THSD7B: variants seen among roughly 807,000 people sequenced by gnomAD.
The protein encoded by THSD7B is thrombospondin type 1 domain containing 7B.
In THSD7B, 138 loss-of-function variants were observed where a neutral mutation model predicts 213.6. The observed-to-expected ratio is 0.65, with a 90% CI of 0.56 to 0.74. The LOEUF is 0.74. Among genes scored for constraint, THSD7B ranks in the 30% least tolerant of loss-of-function variants. THSD7B has a pLI of 0.00. For missense variants in THSD7B, 1,931 were observed against 1,991.5 expected (o/e 0.97, Z 0.58); for synonymous variants, 742 against 687.0 (o/e 1.08, Z -1.25).
chr2:137,623,949 G>C (rs1431732730), intron 20 of THSD7B, among the ~76,000 whole-genome samples: 1 of 152,112 alleles, frequency 6.6e-6, no homozygotes, highest in South Asian at 2.1e-4. Flanking sequence ...AGCTACCAAC[G>C]ACTTTCTTCA....
At chr2:137,229,938 A>G (rs1434756181) in intron 7 of THSD7B, among the ~76,000 whole-genome samples, 1 of 152,226 alleles carries the variant, frequency 6.6e-6, no homozygotes, top group South Asian at 2.1e-4. Context: ...CAGCCAGATC[A>G]TGACAAGAGA....
In THSD7B at chr2:136,974,578, T is replaced by C. The variant is rs150293823; in HGVS notation, c.140-81842T>C. ...TATTCCATTGTGTATATGTACCACA[T>C]TTTCATTATCCAGACTATCATTCGT... On this transcript the variant is annotated intron_variant, in intron 2 of 27. Transcript: ENST00000409968. Among the ~76,000 whole-genome samples the C allele has an allele frequency of 9.2e-5, 14 of 152,334 alleles. No homozygotes were observed. The East Asian group carries it at 2.7e-3, about 29-fold the overall frequency.
chr2:137,418,708 T>G lies in THSD7B; in HGVS notation c.2959+6836T>G, dbSNP rs539603828. Among the ~76,000 whole-genome samples, 156 of 152,244 alleles carry G rather than the reference T, an allele frequency of 1.0e-3. 1 individual carries two copies. Among genetic ancestry groups the G allele is most frequent in the Non-Finnish European group, 1.6e-3 (111 of 68,026 alleles). On this transcript the variant is annotated intron_variant, in intron 14 of 27. Transcript: ENST00000409968. ...TTCATCCCTCCTATTTTTTCTAGGC[T>G]CTGGTAATCACCAATCTACTCTCTA...
At chr2:136,878,237 A>G (rs1039447623) in intron 1 of THSD7B, among the ~76,000 whole-genome samples, 3 of 152,224 alleles carry the variant, frequency 2.0e-5, no homozygotes, top group African/African-American at 7.2e-5. Flanking sequence ...ATGTCCCTAC[A>G]AAGGACATGA....
intron 15 of THSD7B, among the ~76,000 whole-genome samples, chr2:137,455,867 A>G (rs1463845951): frequency 6.6e-6 from 1 of 152,174 alleles, no homozygotes; most frequent in African/African-American, 2.4e-5. Context: ...TGCCTAATAG[A>G]AGATTAAATA....
rs374408457 is a variant in THSD7B, at chr2:136,807,837, C to T, written c.-36+42150C>T. Reference sequence around the variant, plus strand: ...TGTTTCTAGCTAATCTTGTATATTTCCTGTCCTAGAACCAGCCATTTCTCC... The same window carrying T: ...TGTTTCTAGCTAATCTTGTATATTTTCTGTCCTAGAACCAGCCATTTCTCC... On this transcript the variant is annotated intron_variant, in intron 1 of 27. Coordinates refer to ENST00000409968, the MANE Select transcript of THSD7B (RefSeq NM_001316349.2). Among the ~76,000 whole-genome samples, 57 of 152,260 alleles carry T rather than the reference C, an allele frequency of 3.7e-4. 2 individuals carry two copies. The South Asian group carries it at 0.012, about 32-fold the overall frequency.
At chr2:137,080,999 T>C (rs973054403) in intron 3 of THSD7B, among the ~76,000 whole-genome samples, 1 of 152,236 alleles carries the variant, frequency 6.6e-6, no homozygotes, top group Non-Finnish European at 1.5e-5. Context: ...TATATTATTC[T>C]ATTTACTATT....
intron 27 of THSD7B, among the ~76,000 whole-genome samples, chr2:137,675,388 G>C (rs1683674512): frequency 7.1e-6 from 1 of 140,970 alleles, no homozygotes; most frequent in African/African-American, 2.7e-5. Context: ...TTTCTACCAA[G>C]TGCTAAATGA....
intron 1 of THSD7B, among the ~76,000 whole-genome samples, chr2:136,850,216 A>C (rs993818518): frequency 2.6e-5 from 4 of 150,982 alleles, no homozygotes; most frequent in African/African-American, 9.9e-5. Flanking sequence ...ATGTTAGTTT[A>C]TCAATTTTTA....
chr2:137,489,828 GA>G (rs1032127099), intron 15 of THSD7B, among the ~76,000 whole-genome samples: 14 of 152,044 alleles, frequency 9.2e-5, no homozygotes, highest in African/African-American at 3.4e-4. Flanking sequence ...ATAGTTTAAA[GA>G]AAAAAACCTC....
intron 1 of THSD7B, among the ~76,000 whole-genome samples, chr2:136,877,664 C>A (rs916866571): frequency 2.0e-5 from 3 of 151,992 alleles, no homozygotes; most frequent in South Asian, 4.2e-4. Flanking sequence ...GCTACCGTAC[C>A]CTTGGAGTGT....
chr2:137,617,916 T>C (rs1054931312), intron 18 of THSD7B, among the ~76,000 whole-genome samples: 10 of 152,142 alleles, frequency 6.6e-5, no homozygotes, highest in African/African-American at 2.4e-4. Flanking sequence ...TCCCATATTC[T>C]AATTACCCCC....
chr2:137,112,305 G>A (rs978551349), intron 4 of THSD7B, among the ~76,000 whole-genome samples: 8 of 151,856 alleles, frequency 5.3e-5, no homozygotes, highest in African/African-American at 1.7e-4. Flanking sequence ...TATAGAAGTA[G>A]TTTATTGGTG....
At chr2:137,513,958 A>G (rs551668763) in intron 15 of THSD7B, among the ~76,000 whole-genome samples, 2 of 152,350 alleles carry the variant, frequency 1.3e-5, no homozygotes, top group African/African-American at 4.8e-5. Context: ...CAAAGTAGCA[A>G]CACAGTTGCT....
At chr2:137,206,458 G>A (rs1680985881) in intron 7 of THSD7B, among the ~76,000 whole-genome samples, 1 of 152,062 alleles carries the variant, frequency 6.6e-6, no homozygotes, top group Non-Finnish European at 1.5e-5. Flanking sequence ...AGCCCTGACT[G>A]CGTATTAGTT....
intron 4 of THSD7B, among the ~76,000 whole-genome samples, chr2:137,106,775 C>T (rs976475183): frequency 1.6e-4 from 24 of 152,168 alleles, no homozygotes; most frequent in Admixed American, 2.6e-4. Context: ...ATGCGGCCAA[C>T]AAACATATGA....
At chr2:136,971,199 A>T (rs1396172283) in intron 2 of THSD7B, among the ~76,000 whole-genome samples, 1 of 152,210 alleles carries the variant, frequency 6.6e-6, no homozygotes. Context: ...AAAAGCCACT[A>T]GTTCCAAAAA....
chr2:136,894,677 C>G (rs78518579), intron 2 of THSD7B, among the ~76,000 whole-genome samples: 1 of 152,232 alleles, frequency 6.6e-6, no homozygotes, highest in East Asian at 1.9e-4. Flanking sequence ...TTCTTTGGCC[C>G]TCCACCTTCT....
chr2:136,890,543 T>C (rs1398666718), intron 2 of THSD7B, among the ~76,000 whole-genome samples: 1 of 100,852 alleles, frequency 9.9e-6, no homozygotes, highest in African/African-American at 3.8e-5. Context: ...TTCTTCTTCT[T>C]TTTTTTTTTT....
Sources: allele counts gnomAD v4.1 joint callset (sites outside exome capture counted in the v4.1 genomes callset), GRCh38; gene constraint gnomAD v4.1.1; transcripts MANE v1.5; gene names NCBI Gene and HGNC (gene_info 2026-07-23, HGNC 2026-07-21).